Variants in CPQ observed in about 807,000 individuals in gnomAD.
CPQ encodes carboxypeptidase Q, also known as Ser-Met dipeptidase.
CPQ carries 37 observed loss-of-function variants against 45.7 expected under a neutral mutation model. The ratio of observed to expected loss-of-function variants is 0.81; its 90% confidence interval spans 0.62 to 1.07. The LOEUF is 1.07. CPQ is among the 50% of genes least tolerant of loss of function. The pLI, the probability that CPQ is intolerant of heterozygous loss-of-function variation, is 0.00. For missense variants in CPQ, 537 were observed against 572.9 expected (o/e 0.94, Z 0.64); for synonymous variants, 186 against 205.8 (o/e 0.90, Z 0.82).
chr8:96,669,068 T>C (rs966455067), intron 1 of CPQ, among the ~76,000 whole-genome samples: 2 of 152,210 alleles, frequency 1.3e-5, no homozygotes, highest in African/African-American at 4.8e-5. Flanking sequence ...TGTGATGAGG[T>C]ATCTGAATAT....
At position 96,734,560 on chromosome 8, in the gene CPQ, A is replaced by C. The variant is rs191849663; in HGVS notation, c.-34-50304A>C. ...CTCCATCTCTACTAAAAATACAAAA[A>C]ATTAGCTGGGCGTGGTGGCAGGCGC... On this transcript the variant is annotated intron_variant, in intron 1 of 7. Transcript: ENST00000220763. 2.5e-3 allele frequency among the ~76,000 whole-genome samples: 383 copies of C among 151,712 alleles called. 4 individuals carry two copies. The highest frequency in any genetic ancestry group is 8.7e-3 in the African/African-American group (360 of 41,372).
intron 2 of CPQ, among the ~76,000 whole-genome samples, chr8:96,830,927 C>T (rs1475946717): frequency 1.3e-5 from 2 of 152,152 alleles, no homozygotes; most frequent in African/African-American, 4.8e-5. Context: ...ATGGGAAGAG[C>T]ATGACCCCTG....
intron 5 of CPQ, among the ~76,000 whole-genome samples, chr8:97,015,259 AT>A (rs1809559118): frequency 6.6e-6 from 1 of 152,074 alleles, no homozygotes. Context: ...AGGCTTCTCA[AT>A]TTCTCCTTGC....
At chr8:96,922,867 C>G (rs1265774978) in intron 4 of CPQ, among the ~76,000 whole-genome samples, 1 of 152,148 alleles carries the variant, frequency 6.6e-6, no homozygotes, top group East Asian at 1.9e-4. Context: ...ACATACATGA[C>G]TGGTTTTGAT....
chr8:96,702,583 T>C (rs759458974), intron 1 of CPQ, among the ~76,000 whole-genome samples: 4 of 152,182 alleles, frequency 2.6e-5, no homozygotes, highest in African/African-American at 4.8e-5. Flanking sequence ...ACTATATATA[T>C]TAAGTCTTTT....
In CPQ at chr8:97,111,845, T is replaced by C. The variant is rs140640153; in HGVS notation, c.1256-31175T>C. On this transcript the variant is annotated intron_variant, in intron 7 of 7. Coordinates refer to ENST00000220763, the MANE Select transcript of CPQ (RefSeq NM_016134.4). ...AACCCTCCAGGTTTCTTTTCTCTTA[T>C]TCTGTCTCACTCTCTGTCAAAGCAA... Among the ~76,000 whole-genome samples the C allele has an allele frequency of 5.1e-3, 778 of 152,332 alleles. 5 individuals carry two copies. Among genetic ancestry groups the C allele is most frequent in the African/African-American group, 0.018 (749 of 41,586 alleles).
intron 7 of CPQ, among the ~76,000 whole-genome samples, chr8:97,112,209 A>G (rs916582672): frequency 1.3e-5 from 2 of 151,542 alleles, no homozygotes; most frequent in African/African-American, 2.4e-5. Flanking sequence ...AAGTCCAACA[A>G]CAGACAAGAT....
At chr8:96,785,767 G>T (rs1309108044) in intron 2 of CPQ, among the ~76,000 whole-genome samples, 3 of 152,130 alleles carry the variant, frequency 2.0e-5, no homozygotes, top group Non-Finnish European at 4.4e-5. Flanking sequence ...ATAGAACTGA[G>T]GCTTCTCCTG....
chr8:96,698,937 C>T (rs561169139), intron 1 of CPQ, among the ~76,000 whole-genome samples: 13 of 152,218 alleles, frequency 8.5e-5, no homozygotes, highest in African/African-American at 3.1e-4. Flanking sequence ...TCTCAAAAAC[C>T]TAAAAATAGA....
intron 7 of CPQ, among the ~76,000 whole-genome samples, chr8:97,110,055 A>G (rs1322115040): frequency 2.0e-5 from 3 of 152,320 alleles, no homozygotes; most frequent in African/African-American, 7.2e-5. Flanking sequence ...ATAATTATGT[A>G]ACCTGGGTGA....
At chr8:96,921,809 G>A (rs1179578080) in intron 4 of CPQ, among the ~76,000 whole-genome samples, 6 of 152,100 alleles carry the variant, frequency 3.9e-5, no homozygotes, top group African/African-American at 1.4e-4. Context: ...TAAGCAACCT[G>A]ATATTACTGG....
chr8:96,785,242 G>T lies in CPQ; in HGVS notation c.345G>T (p.Arg115Ser). 6.2e-7 allele frequency: 1 copy of T among 1,613,550 alleles called. No individual in the cohort carries two copies. The change falls in exon 2 of 8, where the codon AGG becomes AGT. Residue 115 changes from arginine (R) to serine (S), a missense_variant. Physicochemically the swap from Arg to Ser is moderately radical, Grantham distance 110 (BLOSUM62 -1). Transcript: ENST00000220763. ...CAGTGAGAATACCCCACTGGGAGAG[G>T]GGAGAAGAATCAGCTGTGATGCTGG... ...LEPVRIPHWE[R>S]GEESAVMLEP...
chr8:96,710,751 G>T (rs1809596782), intron 1 of CPQ, among the ~76,000 whole-genome samples: 1 of 152,126 alleles, frequency 6.6e-6, no homozygotes, highest in South Asian at 2.1e-4. Flanking sequence ...AATGAGATTT[G>T]TTTTGTGGCA....
In CPQ at chr8:96,671,320, G is replaced by A. The variant is rs117657103; in HGVS notation, c.-35+25918G>A. Among the ~76,000 whole-genome samples the A allele has an allele frequency of 4.8e-3, 727 of 152,072 alleles. 3 individuals are homozygous for A. The highest frequency in any genetic ancestry group is 7.0e-3 in the Non-Finnish European group (473 of 68,010). On this transcript the variant is annotated intron_variant, in intron 1 of 7. Coordinates refer to ENST00000220763, the MANE Select transcript of CPQ (RefSeq NM_016134.4). ...AGATTTAGAGTACATATAAAAAAGC[G>A]TGTGTGTGTGTAAAGCATATGCAAG...
At chr8:96,761,262 C>T (rs529683953) in intron 1 of CPQ, 2 of 152,288 alleles carry the variant, frequency 1.3e-5, no homozygotes, top group South Asian at 2.1e-4. Context: ...CTGATACGCA[C>T]GAGCTAGCCT....
At chr8:97,004,616 T>C (rs1392932161) in intron 5 of CPQ, among the ~76,000 whole-genome samples, 2 of 152,156 alleles carry the variant, frequency 1.3e-5, no homozygotes, top group Non-Finnish European at 2.9e-5. Context: ...TACAATGTTA[T>C]TTGTAATGTT....
rs552779342 is a variant in CPQ at position 97,046,680 on chromosome 8, C to A, written c.1053+17186C>A. ...CTCCCCTGTGAAATCAGAGGCAGTG[C>A]CATATTTGTAAATGTGTTTCAGGCA... On this transcript the variant is annotated intron_variant, in intron 6 of 7. Transcript: ENST00000220763. Among the ~76,000 whole-genome samples the A allele has an allele frequency of 4.6e-5, 7 of 152,264 alleles. No individual in the cohort carries two copies. In the South Asian group the frequency reaches 1.5e-3, roughly 32 times the overall value.
chr8:96,806,060 A>G (rs1811074487), intron 2 of CPQ, among the ~76,000 whole-genome samples: 1 of 152,082 alleles, frequency 6.6e-6, no homozygotes, highest in Admixed American at 6.6e-5. Flanking sequence ...GAACCAACCT[A>G]GGATTAAGAG....
At chr8:97,004,961 G>GC (rs1323920962) in intron 5 of CPQ, among the ~76,000 whole-genome samples, 1 of 152,064 alleles carries the variant, frequency 6.6e-6, no homozygotes, top group Non-Finnish European at 1.5e-5. Flanking sequence ...AAGAGGGAAA[G>GC]AAAATTTTTT....
Sources: gnomAD v4.1 joint callset for allele counts (sites outside exome capture counted in the v4.1 genomes callset) on GRCh38, gnomAD v4.1.1 for gene constraint, MANE v1.5 for transcripts, NCBI Gene and HGNC (gene_info 2026-07-23, HGNC 2026-07-21) for gene names.